Variants in CEP43 observed in about 807,000 individuals in gnomAD.
CEP43 encodes centrosomal protein 43.
Under a neutral mutation model 52.6 loss-of-function variants are expected in CEP43, and 36 were observed. The observed-to-expected ratio is 0.68, with a 90% CI of 0.52 to 0.90. The LOEUF (loss-of-function observed/expected upper bound fraction) is 0.90, where lower values mean the gene tolerates loss of function less well. Among genes scored for constraint, CEP43 ranks in the 40% least tolerant of loss-of-function variants. The probability of loss-of-function intolerance (pLI) is 0.00; values close to 1 mark genes in which losing one functional copy is unlikely to be tolerated. For missense variants in CEP43, 506 were observed against 472.8 expected (o/e 1.07, Z -0.65); for synonymous variants, 192 against 172.4 (o/e 1.11, Z -0.89).
rs1478594112 is a variant in CEP43 at position 167,046,859 on chromosome 6, G to T, written c.*6881G>T. On this transcript the variant is annotated 3_prime_UTR_variant, in exon 13 of 13. Coordinates refer to ENST00000366847, the MANE Select transcript of CEP43 (RefSeq NM_007045.4). ...AGCTCCCTGAGAGCTTGCCTGGCAA[G>T]TTACTCTTGCAATTCTAGCTTCCAG... is the stretch of plus-strand genomic sequence containing the variant. The T allele has an allele frequency of 6.6e-6, 1 of 152,256 alleles. No individual in the cohort carries two copies. The highest frequency in any genetic ancestry group is 1.5e-5 in the Non-Finnish European group (1 of 68,070). The allele number at this position is 152,256 out of a possible 1,614,324, so 9.4% of individuals were successfully genotyped here.
Position 167,043,403 on chromosome 6 carries a change from G to A in CEP43, c.*3425G>A, listed in dbSNP as rs1174948600. 1 of 134,694 alleles carries A rather than the reference G, an allele frequency of 7.4e-6. No individual in the cohort carries two copies. The highest frequency in any genetic ancestry group is 1.6e-5 in the Non-Finnish European group (1 of 61,822). 8.3% of individuals were successfully genotyped at this position (134,694 alleles called of 1,614,324 possible). ...TTTTTTTTTTTTTTTTTTTTGAGGT[G>A]GAGTTTTGTTCTTGTTGCCCAGGCT... is the stretch of plus-strand genomic sequence containing the variant. On this transcript the variant is annotated 3_prime_UTR_variant, in exon 13 of 13. Transcript: ENST00000366847.
intron 12 of CEP43, among the ~76,000 whole-genome samples, chr6:167,035,627 C>T (rs886919764): frequency 2.6e-5 from 4 of 150,996 alleles, no homozygotes; most frequent in Admixed American, 6.6e-5. Flanking sequence ...AGTGCAGTGG[C>T]GCTATCTCAG....
chr6:167,020,108 T>C (rs1780191689), intron 7 of CEP43, among the ~76,000 whole-genome samples: 1 of 152,240 alleles, frequency 6.6e-6, no homozygotes, highest in African/African-American at 2.4e-5. Context: ...CTGCTGTGAA[T>C]TACATAATAT....
rs1263415554 is a variant in CEP43 at position 167,046,940 on chromosome 6, T to G, written c.*6962T>G. 1 of 152,192 alleles carries G rather than the reference T, an allele frequency of 6.6e-6. No individual in the cohort carries two copies. The highest frequency in any genetic ancestry group is 1.5e-5 in the Non-Finnish European group (1 of 68,042). The allele number at this position is 152,192 out of a possible 1,614,324, so 9.4% of individuals were successfully genotyped here. On this transcript the variant is annotated 3_prime_UTR_variant, in exon 13 of 13. Coordinates refer to ENST00000366847, the MANE Select transcript of CEP43 (RefSeq NM_007045.4). ...AACTCCTGGCAGGAAACTCAATCTCTGGGGGTCAGAGTCCACTTCCTGGGG... is the reference window on the plus strand; with the variant it reads ...AACTCCTGGCAGGAAACTCAATCTCGGGGGGTCAGAGTCCACTTCCTGGGG...
Position 167,004,264 on chromosome 6 carries a change from C to G in CEP43, c.301C>G (p.Leu101Val), listed in dbSNP as rs1779802060. ...ACTTGTATTTTAACTTCTTTTCTAGCTGCAAGGTCTCGAAGGTCGAGAGAA... is the reference window on the plus strand; with the variant it reads ...ACTTGTATTTTAACTTCTTTTCTAGGTGCAAGGTCTCGAAGGTCGAGAGAA... ...LAVFQPETST[L>V]QGLEGRENLA... Residue 101 changes from leucine to valine, a missense_variant and splice_region_variant, in exon 5 of 13, where the codon CTG becomes GTG. Transcript: ENST00000366847. 6.3e-7 allele frequency: 1 copy of G among 1,592,346 alleles called. No homozygotes were observed.
rs1780877177 is a variant in CEP43 at position 167,052,127 on chromosome 6, T to C, written c.*12149T>C. 6.6e-6 allele frequency: 1 copy of C among 152,174 alleles called. No individual in the cohort carries two copies. The highest frequency in any genetic ancestry group is 1.5e-5 in the Non-Finnish European group (1 of 68,028). The allele number at this position is 152,174 out of a possible 1,614,324, so 9.4% of individuals were successfully genotyped here. A position where few individuals can be genotyped will look rare whatever the true frequency, so the allele number is the denominator to read the frequency against. On this transcript the variant is annotated 3_prime_UTR_variant, in exon 13 of 13. Coordinates refer to ENST00000366847, the MANE Select transcript of CEP43 (RefSeq NM_007045.4). The stretch of plus-strand genomic sequence containing the variant: ...AATGCTTGATGGCTCACAATCTCCT[T>C]CTCAGTTTATCAGAATCTACTTAAG...
chr6:167,028,495 G>T, intron 10 of CEP43: 6 of 984,930 alleles, frequency 6.1e-6, no homozygotes, highest in Non-Finnish European at 7.2e-6. Flanking sequence ...GTTTTATTTC[G>T]TTTTGCAACA....
chr6:167,040,589 C>T lies in CEP43; in HGVS notation c.*611C>T. ...CTCTTGTGTGTGCTATTTAGTTTTGCTTGTTTTAAAGAAATCTAGAAGTGG... is the reference window on the plus strand; with the variant it reads ...CTCTTGTGTGTGCTATTTAGTTTTGTTTGTTTTAAAGAAATCTAGAAGTGG... On this transcript the variant is annotated 3_prime_UTR_variant, in exon 13 of 13. Coordinates refer to ENST00000366847, the MANE Select transcript of CEP43 (RefSeq NM_007045.4). The T allele has an allele frequency of 9.5e-7, 1 of 1,048,282 alleles. No individual in the cohort carries two copies. The highest frequency in any genetic ancestry group is 4.3e-5 in the South Asian group (1 of 23,372). 64.9% of individuals were successfully genotyped at this position (1,048,282 alleles called of 1,614,324 possible).
chr6:167,050,655 C>T lies in CEP43; in HGVS notation c.*10677C>T, dbSNP rs1780858778. ...AGTCAGGTGTGGCAGTGCGTGCCCG[C>T]CTATAGTCCCATCTACTTGGGAGGC... is the stretch of plus-strand genomic sequence containing the variant. On this transcript the variant is annotated 3_prime_UTR_variant, in exon 13 of 13. Transcript: ENST00000366847. 1 of 152,012 alleles carries T rather than the reference C, an allele frequency of 6.6e-6. No homozygotes were observed. The highest frequency in any genetic ancestry group is 2.1e-4 in the South Asian group (1 of 4,814). 9.4% of individuals were successfully genotyped at this position (152,012 alleles called of 1,614,324 possible).
chr6:167,021,575 A>G (rs1049251653), intron 7 of CEP43, among the ~76,000 whole-genome samples: 7 of 152,234 alleles, frequency 4.6e-5, no homozygotes, highest in African/African-American at 1.7e-4. Context: ...CTGACCAAGA[A>G]TGGAGTGAAA....
intron 5 of CEP43, among the ~76,000 whole-genome samples, chr6:167,009,021 G>A (rs1374420128): frequency 3.3e-5 from 5 of 151,976 alleles, no homozygotes; most frequent in African/African-American, 7.2e-5. Flanking sequence ...TTGGGAGGCC[G>A]AGGCAGGCGG....
intron 1 of CEP43, 113 bp downstream of exon 1, chr6:166,999,627 G>C (rs1196557384): frequency 1.3e-6 from 1 of 758,532 alleles, no homozygotes; most frequent in Admixed American, 4.5e-5. Flanking sequence ...ACCGGGGCCG[G>C]CGGGCACTGG....
chr6:167,046,784 C>T lies in CEP43; in HGVS notation c.*6806C>T, dbSNP rs1466175518. On this transcript the variant is annotated 3_prime_UTR_variant, in exon 13 of 13. Coordinates refer to ENST00000366847, the MANE Select transcript of CEP43 (RefSeq NM_007045.4). ...GGGCTCCATCCAACGACCATTCTGC[C>T]TCAGGGTAAGAGGCCCGGCCCTCTC... 6.6e-6 allele frequency: 1 copy of T among 152,338 alleles called. No individual in the cohort carries two copies. The allele number at this position is 152,338 out of a possible 1,614,324, so 9.4% of individuals were successfully genotyped here. A position where few individuals can be genotyped will look rare whatever the true frequency, so the allele number is the denominator to read the frequency against.
chr6:167,039,844 A>G, intron 12 of CEP43, 60 bp from the exon 13 acceptor site: 1 of 1,573,806 alleles, frequency 6.4e-7, no homozygotes, highest in Non-Finnish European at 8.7e-7. Flanking sequence ...ATTTTTTAAA[A>G]TAACTTAAGA....
chr6:167,025,392 C>G (rs1045820680), intron 9 of CEP43, among the ~76,000 whole-genome samples: 2 of 152,180 alleles, frequency 1.3e-5, no homozygotes, highest in Non-Finnish European at 1.5e-5. Flanking sequence ...AATAGTCTAG[C>G]TCTGGCACCA....
intron 5 of CEP43, among the ~76,000 whole-genome samples, chr6:167,006,128 C>T (rs184475056): frequency 6.6e-6 from 1 of 152,306 alleles, no homozygotes; most frequent in Non-Finnish European, 1.5e-5. Context: ...TCTGAGGAAG[C>T]AAGATGTGTG....
intron 7 of CEP43, 106 bp from the exon 8 acceptor site, chr6:167,022,303 G>GCA: frequency 1.5e-6 from 1 of 647,718 alleles, no homozygotes; most frequent in South Asian, 1.9e-5. Context: ...CACAAAGGTT[G>GCA]CACACACACA....
At position 167,004,354 on chromosome 6, in the gene CEP43, G is replaced by A. The variant is rs1779804497; in HGVS notation, c.391G>A (p.Val131Met). Reference protein sequence around the residue: ...GTVGGPLLLEVIRRCQQKEKG... With the variant: ...GTVGGPLLLEMIRRCQQKEKG... ...TGTGGGTGGACCCTTATTATTAGAA[G>A]TGATCAGGCGCTGTCAACAGAAAGA... Residue 131 changes from valine (V) to methionine (M), a missense_variant, in exon 5 of 13, where the codon GTG (valine) becomes ATG (methionine). By Grantham distance (21) the Val-to-Met change is conservative (BLOSUM62 1). Coordinates refer to ENST00000366847, the MANE Select transcript of CEP43 (RefSeq NM_007045.4). 1 of 1,610,030 alleles carries A rather than the reference G, an allele frequency of 6.2e-7. No homozygotes were observed.
intron 10 of CEP43, among the ~76,000 whole-genome samples, 175 bp downstream of exon 10, chr6:167,026,790 T>A (rs1020787310): frequency 4.6e-5 from 7 of 152,234 alleles, no homozygotes; most frequent in African/African-American, 1.7e-4. Context: ...GAGAGATGGC[T>A]ACAGCAACAG....
Sources: gnomAD v4.1 joint callset for allele counts (sites outside exome capture counted in the v4.1 genomes callset) on GRCh38, gnomAD v4.1.1 for gene constraint, MANE v1.5 for transcripts, NCBI Gene and HGNC (gene_info 2026-07-23, HGNC 2026-07-21) for gene names.